The following DTNA variants were observed in gnomAD, a reference collection of about 807,000 sequenced individuals.
DTNA encodes dystrophin-related protein 3.
Under a neutral mutation model 100.7 loss-of-function variants are expected in DTNA, and 43 were observed. That is an observed-to-expected ratio of 0.43 (90% CI 0.33 to 0.55). The LOEUF is 0.55. DTNA is among the 20% of genes least tolerant of loss of function. The pLI is 0.04. For synonymous variants in DTNA, 349 were observed against 347.9 expected (o/e 1.00, Z -0.04); for missense variants, 798 against 953.9 (o/e 0.84, Z 2.15).
At chr18:34,631,178 C>T (rs899281316) in intron 1 of DTNA, among the ~76,000 whole-genome samples, 5 of 152,148 alleles carry the variant, frequency 3.3e-5, no homozygotes, top group African/African-American at 9.7e-5. Flanking sequence ...CGCTTGGGTT[C>T]AGATTATAAT....
intron 1 of DTNA, chr18:34,493,950 G>A (rs1170508217): frequency 6.8e-6 from 1 of 147,560 alleles, no homozygotes; most frequent in Non-Finnish European, 1.5e-5. Context: ...GCGGCGGGCG[G>A]CGCCTCAGGC....
chr18:34,865,232 ATTTTGTCTGTCCTTTCTTTCTCTCTTTT>A (rs2096682639), intron 17 of DTNA, among the ~76,000 whole-genome samples: 2 of 151,454 alleles, frequency 1.3e-5, no homozygotes, highest in Non-Finnish European at 3.0e-5. Context: ...TGTTGTTTTT[ATTTTGTCTGTCCTTTCTTTCTCTCTTTT>A]TTTTGTCTGT....
intron 1 of DTNA, among the ~76,000 whole-genome samples, chr18:34,577,937 T>TC (rs1345810304): frequency 1.3e-5 from 2 of 151,998 alleles, no homozygotes; most frequent in African/African-American, 4.8e-5. Flanking sequence ...GCAAGTTTTT[T>TC]TTTTTTTTTT....
intron 1 of DTNA, among the ~76,000 whole-genome samples, chr18:34,579,986 A>C (rs1268276695): frequency 6.6e-6 from 1 of 151,926 alleles, no homozygotes; most frequent in Non-Finnish European, 1.5e-5. Context: ...CAGTCACAGG[A>C]TATCTGTCCC....
Position 34,806,281 on chromosome 18 carries a change from G to A in DTNA, c.425G>A (p.Gly142Glu). The change falls in exon 5 of 23, where the codon GGG becomes GAG. Residue 142 changes from glycine (G) to glutamate (E), a missense_variant. Around this residue, in one of 6 missense-constraint regions of DTNA, gnomAD observed 197 missense variants for 215.4 expected, o/e 0.91. Coordinates refer to ENST00000444659, the MANE Select transcript of DTNA (RefSeq NM_001386795.1). Reference sequence around the variant, plus strand: ...ATGGCTTTAGCCACATTGTGTGGAGGGAAGATCATGGACAAATTAAGATGT... The same window carrying A: ...ATGGCTTTAGCCACATTGTGTGGAGAGAAGATCATGGACAAATTAAGATGT... ...VKMALATLCG[G>E]KIMDKLRYIF... The A allele has an allele frequency of 6.2e-7, 1 of 1,613,840 alleles. No homozygotes were observed. Among genetic ancestry groups the A allele is most frequent in the Non-Finnish European group, 8.5e-7 (1 of 1,179,894 alleles).
intron 17 of DTNA, chr18:34,866,895 T>TA (rs2096711247): frequency 9.1e-7 from 1 of 1,103,330 alleles, no homozygotes; most frequent in African/African-American, 1.6e-5. Flanking sequence ...TTTCTGGAAA[T>TA]AGGGGCATTG....
At chr18:34,507,592 G>A (rs1436545874) in intron 1 of DTNA, among the ~76,000 whole-genome samples, 1 of 152,174 alleles carries the variant, frequency 6.6e-6, no homozygotes, top group African/African-American at 2.4e-5. Flanking sequence ...AAGGACAACA[G>A]TCTAGGGAAA....
intron 13 of DTNA, among the ~76,000 whole-genome samples, chr18:34,839,124 A>G (rs954189354): frequency 6.6e-6 from 1 of 152,200 alleles, no homozygotes; most frequent in African/African-American, 2.4e-5. Flanking sequence ...GGGTCCCACC[A>G]ATCAGTTCTG....
Position 34,879,828 on chromosome 18 carries a change from G to A in DTNA, c.2162+109G>A. ...AGGGTTTTTTTAACCTTCAGAAGGG[G>A]TGACATAGTTTTCTGTTCTGCCAGA... is the stretch of plus-strand genomic sequence containing the variant. On this transcript the variant is annotated intron_variant, in intron 20 of 22. Coordinates refer to ENST00000444659, the MANE Select transcript of DTNA (RefSeq NM_001386795.1). 2.2e-6 allele frequency: 3 copies of A among 1,391,462 alleles called. No individual in the cohort carries two copies. The African/African-American group carries it at 4.3e-5, about 20-fold the overall frequency. 86.2% of individuals were successfully genotyped at this position (1,391,462 alleles called of 1,614,324 possible).
At chr18:34,838,878 A>G (rs1603079246) in intron 13 of DTNA, 41 bp downstream of exon 13, 4 of 1,565,860 alleles carry the variant, frequency 2.6e-6, no homozygotes, top group South Asian at 2.2e-5. Flanking sequence ...TTAGAGAGGG[A>G]TACAGTCTGA....
chr18:34,829,609 C>A, intron 11 of DTNA, 120 bp downstream of exon 11: 1 of 1,034,830 alleles, frequency 9.7e-7, no homozygotes, highest in Non-Finnish European at 1.3e-6. Flanking sequence ...TAGAGGTCTT[C>A]TGGGGTTTAA....
intron 1 of DTNA, among the ~76,000 whole-genome samples, chr18:34,579,749 C>T (rs913145364): frequency 5.9e-5 from 9 of 152,128 alleles, no homozygotes; most frequent in Admixed American, 3.3e-4. Context: ...AATGCCTCAA[C>T]GTGTTGTTGG....
At chr18:34,733,907 A>C (rs1395358985) in intron 1 of DTNA, among the ~76,000 whole-genome samples, 1 of 152,238 alleles carries the variant, frequency 6.6e-6, no homozygotes, top group African/African-American at 2.4e-5. Flanking sequence ...GAGCTGCAAC[A>C]TTAAAGGCAG....
chr18:34,498,141 C>T (rs780058070), intron 1 of DTNA, among the ~76,000 whole-genome samples: 26 of 152,182 alleles, frequency 1.7e-4, no homozygotes, highest in Non-Finnish European at 3.4e-4. Flanking sequence ...ATTGGCTGGG[C>T]GCAGTGGCTC....
intron 1 of DTNA, among the ~76,000 whole-genome samples, chr18:34,574,897 G>A (rs2047966579): frequency 6.6e-6 from 1 of 152,108 alleles, no homozygotes; most frequent in Admixed American, 6.6e-5. Flanking sequence ...CCTAAGCCTA[G>A]AAATACCTCT....
intron 1 of DTNA, among the ~76,000 whole-genome samples, chr18:34,537,421 A>G (rs72951275): frequency 1.3e-5 from 2 of 152,130 alleles, no homozygotes; most frequent in Non-Finnish European, 2.9e-5. Flanking sequence ...AGCATTTTTA[A>G]AAAGGAAAAT....
In DTNA at chr18:34,644,744, G is replaced by A. The variant is rs2059651890; in HGVS notation, c.-1-111232G>A. 2.0e-5 allele frequency among the ~76,000 whole-genome samples: 3 copies of A among 152,046 alleles called. No individual in the cohort carries two copies. In the South Asian group the frequency reaches 6.2e-4, roughly 32 times the overall value. On this transcript the variant is annotated intron_variant, in intron 1 of 19. Coordinates refer to the DTNA transcript ENST00000283365. ...AGTCTTTTTCCTTCAGCCTAATATG[G>A]ATATAAAATGTAACTGGCATTAGCG... is the stretch of plus-strand genomic sequence containing the variant.
At chr18:34,691,845 C>A (rs2079815623) in intron 1 of DTNA, among the ~76,000 whole-genome samples, 1 of 152,222 alleles carries the variant, frequency 6.6e-6, no homozygotes, top group African/African-American at 2.4e-5. Context: ...TGCTAGTCAT[C>A]TTTCAATATC....
intron 1 of DTNA, among the ~76,000 whole-genome samples, chr18:34,711,400 C>T (rs1255069791): frequency 1.3e-5 from 2 of 152,014 alleles, no homozygotes; most frequent in East Asian, 3.9e-4. Context: ...TAATTTTAGC[C>T]AGGGGTTTAC....
Sources: gnomAD v4.1 joint callset for allele counts (sites outside exome capture counted in the v4.1 genomes callset) on GRCh38, gnomAD v4.1.1 for gene constraint, gnomAD v4.1.1 regional missense constraint, MANE v1.5 for transcripts, NCBI Gene and HGNC (gene_info 2026-07-23, HGNC 2026-07-21) for gene names.